Variants in ACSL5 observed in about 807,000 individuals in gnomAD.
ACSL5 encodes the protein acyl-CoA synthetase long chain family member 5, also known as long-chain-fatty-acid--CoA ligase 5.
In ACSL5, 50 loss-of-function variants were observed where a neutral mutation model predicts 84.9. The observed-to-expected ratio is 0.59, with a 90% confidence interval of 0.47 to 0.75. The LOEUF is 0.75. ACSL5 is among the 30% of genes least tolerant of loss of function. The pLI is 0.00. For missense variants in ACSL5, 775 were observed against 830.4 expected (o/e 0.93, Z 0.82); for synonymous variants, 280 against 300.7 (o/e 0.93, Z 0.71).
intron 1 of ACSL5, among the ~76,000 whole-genome samples, chr10:112,381,665 CAA>C (rs35097669): frequency 0.16 from 16,551 of 104,578 alleles, 1,916 homozygotes; most frequent in African/African-American, 0.4. Context: ...GAGACTGTCT[CAA>C]AAAAAAAAAA....
intron 3 of ACSL5, among the ~76,000 whole-genome samples, chr10:112,400,563 C>G (rs1015307384): frequency 1.1e-4 from 17 of 151,892 alleles, no homozygotes; most frequent in African/African-American, 4.1e-4. Context: ...CACCTGCCAC[C>G]ATGCTTGGCT....
At chr10:112,386,140 T>A (rs2133573555) in intron 1 of ACSL5, among the ~76,000 whole-genome samples, 1 of 150,408 alleles carries the variant, frequency 6.6e-6, no homozygotes, top group East Asian at 2.0e-4. Flanking sequence ...TTTTATTAAA[T>A]AGGTTTGTCT....
At chr10:112,401,825 TTTCTTTCTTTCTTTCTTCC>T (rs1564736414) in intron 3 of ACSL5, among the ~76,000 whole-genome samples, 4 of 113,978 alleles carry the variant, frequency 3.5e-5, no homozygotes, top group African/African-American at 1.2e-4. Context: ...TCTTTCTTTC[TTTCTTTCTTTCTTTCTTCC>T]TTCCTTCCTT....
intron 1 of ACSL5, among the ~76,000 whole-genome samples, chr10:112,390,754 A>G (rs1849545030): frequency 6.6e-6 from 1 of 152,204 alleles, no homozygotes; most frequent in Non-Finnish European, 1.5e-5. Context: ...GAAACGAAGT[A>G]CAGACATACT....
intron 1 of ACSL5, among the ~76,000 whole-genome samples, chr10:112,390,039 G>T (rs1045774817): frequency 1.3e-5 from 2 of 151,634 alleles, no homozygotes; most frequent in East Asian, 3.9e-4. Context: ...AACCAGCCTG[G>T]GCAACATAGT....
At chr10:112,427,184 A>G (rs1210861147) in intron 20 of ACSL5, 34 bp from the exon 21 acceptor site, 1 of 1,586,126 alleles carries the variant, frequency 6.3e-7, no homozygotes, top group African/African-American at 1.4e-5. Context: ...CCAAATCACT[A>G]ATGAGCATGG....
rs1015817877 is a variant in ACSL5, at chr10:112,374,300, T to C, written c.-30+31T>C. 5 of 152,180 alleles carry C rather than the reference T, an allele frequency of 3.3e-5. No individual in the cohort carries two copies. The East Asian group carries it at 5.8e-4, about 18-fold the overall frequency. 9.4% of individuals were successfully genotyped at this position (152,180 alleles called of 1,614,324 possible). A position where few individuals can be genotyped will look rare whatever the true frequency, so the allele number is the denominator to read the frequency against. ...CTGCAATGATACTACCTGCACTATA[T>C]TGAATATATCTGTGAGATAGTAGGG... is the stretch of plus-strand genomic sequence containing the variant. On this transcript the variant is annotated intron_variant, in intron 1 of 20. Transcript: ENST00000354655.
chr10:112,391,682 A>G (rs1027878975), intron 1 of ACSL5, among the ~76,000 whole-genome samples: 1 of 152,224 alleles, frequency 6.6e-6, no homozygotes, highest in East Asian at 1.9e-4. Flanking sequence ...ACAGACCGTG[A>G]TCCAAATTAA....
intron 14 of ACSL5, among the ~76,000 whole-genome samples, chr10:112,420,711 CTTTTT>C (rs536651101): frequency 3.8e-4 from 57 of 151,666 alleles, no homozygotes; most frequent in Non-Finnish European, 7.2e-4. Flanking sequence ...ATTTTCTTTT[CTTTTT>C]TTTCTTTTTT....
rs1333729298 is a variant in ACSL5 at position 112,428,365 on chromosome 10, C to G, written c.*1007C>G. The G allele has an allele frequency of 6.5e-5, 26 of 398,330 alleles. No individual in the cohort carries two copies. Among genetic ancestry groups the G allele is most frequent in the Non-Finnish European group, 1.1e-4 (25 of 225,990 alleles). 24.7% of individuals were successfully genotyped at this position (398,330 alleles called of 1,614,324 possible). A position where few individuals can be genotyped will look rare whatever the true frequency, so the allele number is the denominator to read the frequency against. ...GTAAATGTAAAGTCTTTAAAATAAA[C>G]TATTACAGATACTTACGTTGTGGTG... On this transcript the variant is annotated 3_prime_UTR_variant, in exon 21 of 21. Coordinates refer to ENST00000354655, the MANE Select transcript of ACSL5 (RefSeq NM_203379.2).
intron 10 of ACSL5, 89 bp from the exon 11 acceptor site, chr10:112,411,813 C>T: frequency 1.6e-6 from 2 of 1,257,168 alleles, no homozygotes; most frequent in East Asian, 2.3e-5. Flanking sequence ...TGTGGTAGTC[C>T]TGGGAGGAGG....
At chr10:112,384,714 C>T (rs1849416522) in intron 1 of ACSL5, among the ~76,000 whole-genome samples, 1 of 151,990 alleles carries the variant, frequency 6.6e-6, no homozygotes, top group Non-Finnish European at 1.5e-5. Flanking sequence ...CACCGTGTTC[C>T]CCAGACTCAA....
At chr10:112,399,959 T>G (rs1309233243) in intron 3 of ACSL5, among the ~76,000 whole-genome samples, 1 of 152,242 alleles carries the variant, frequency 6.6e-6, no homozygotes, top group East Asian at 1.9e-4. Context: ...TTGACTTGGT[T>G]GTTCTATTTT....
rs1395527958 is a variant in ACSL5 at position 112,410,402 on chromosome 10, A to G, written c.712-61A>G. On this transcript the variant is annotated intron_variant, in intron 7 of 20. Transcript: ENST00000354655. ...ACGGGAAAGGGAGGGAGAGGGCCAC[A>G]TTTATCACAGTCTGTCCATCTCAAC... 3.1e-6 allele frequency: 5 copies of G among 1,612,002 alleles called. No individual in the cohort carries two copies. The Admixed American group carries it at 5.0e-5, about 16-fold the overall frequency.
rs372412812 is a variant in ACSL5 at position 112,409,585 on chromosome 10, C to G, written c.611C>G (p.Pro204Arg). The G allele has an allele frequency of 6.2e-7, 1 of 1,614,088 alleles. No homozygotes were observed. Among genetic ancestry groups the G allele is most frequent in the African/African-American group, 1.3e-5 (1 of 75,048 alleles). ...LIGNVEKGFTPSLKVIILMDP... is the reference protein window; with the variant it reads ...LIGNVEKGFTRSLKVIILMDP... ...GGGAATGTAGAGAAAGGCTTCACCC[C>G]GAGCCTGAAGGTGATCATCCTTATG... Residue 204 changes from proline to arginine, a missense_variant, in exon 7 of 21, where the codon CCG (proline) becomes CGG (arginine). Coordinates refer to ENST00000354655, the MANE Select transcript of ACSL5 (RefSeq NM_203379.2).
chr10:112,421,491 C>T (rs1844463753), intron 14 of ACSL5, 102 bp from the exon 15 acceptor site: 21 of 1,045,560 alleles, frequency 2.0e-5, no homozygotes, highest in East Asian at 4.8e-5. Flanking sequence ...TAAGTGGTCT[C>T]GAACCCTTAG....
chr10:112,404,802 C>T lies in ACSL5; in HGVS notation c.428C>T (p.Pro143Leu). 6.2e-7 allele frequency: 1 copy of T among 1,611,310 alleles called. No individual in the cohort carries two copies. Among genetic ancestry groups the T allele is most frequent in the Non-Finnish European group, 8.5e-7 (1 of 1,178,032 alleles). ...GTCGGCATCTTTGCTCAGAATAGGCCAGAGGTAACTATGTTGAAGTTAACT... is the reference window on the plus strand; with the variant it reads ...GTCGGCATCTTTGCTCAGAATAGGCTAGAGGTAACTATGTTGAAGTTAACT... ...QFVGIFAQNRPEWIISELACY... is the reference protein window; with the variant it reads ...QFVGIFAQNRLEWIISELACY... Residue 143 changes from proline to leucine, a missense_variant, in exon 5 of 21, where the codon CCA (proline) becomes CTA (leucine). Coordinates refer to ENST00000354655, the MANE Select transcript of ACSL5 (RefSeq NM_203379.2).
At chr10:112,410,542 C>G (rs1844154437) in intron 8 of ACSL5, 42 bp from the exon 9 acceptor site, 2 of 1,614,048 alleles carry the variant, frequency 1.2e-6, no homozygotes, top group Admixed American at 1.7e-5. Flanking sequence ...AGTCAACTCT[C>G]AAAGTTCATG....
At position 112,411,510 on chromosome 10, in the gene ACSL5, C is replaced by G; in HGVS notation, c.851C>G (p.Ala284Gly). Residue 284 changes from alanine to glycine, a missense_variant, in exon 10 of 21, where the codon GCC (alanine) becomes GGC (glycine). Physicochemically the swap from Ala to Gly is moderately conservative, Grantham distance 60 (BLOSUM62 0). Coordinates refer to ENST00000354655, the MANE Select transcript of ACSL5 (RefSeq NM_203379.2). ...CAAAATATTGTTTCAAATGCTGCTG[C>G]CTTTCTCAAATGTGTGGAGGTCAGT... Reference protein sequence around the residue: ...THQNIVSNAAAFLKCVEHAYE... With the variant: ...THQNIVSNAAGFLKCVEHAYE... 1 of 1,613,856 alleles carries G rather than the reference C, an allele frequency of 6.2e-7. No individual in the cohort carries two copies.
Sources: allele counts gnomAD v4.1 joint callset (sites outside exome capture counted in the v4.1 genomes callset), GRCh38; gene constraint gnomAD v4.1.1; transcripts MANE v1.5; gene names NCBI Gene and HGNC (gene_info 2026-07-23, HGNC 2026-07-21).